Variants in MIPEP observed in about 807,000 individuals in gnomAD.
MIPEP encodes mitochondrial intermediate peptidase.
MIPEP carries 79 observed loss-of-function variants against 90.3 expected under a neutral mutation model. The ratio of observed to expected loss-of-function variants is 0.87; its 90% confidence interval spans 0.73 to 1.05. The LOEUF is 1.05. Ranked by LOEUF, MIPEP falls within the 50% of genes least tolerant of loss-of-function variation. MIPEP has a pLI of 0.00. For synonymous variants in MIPEP, 334 were observed against 315.8 expected (o/e 1.06, Z -0.61); for missense variants, 940 against 905.6 (o/e 1.04, Z -0.49).
At chr13:23,838,940 T>C (rs1426068791) in intron 12 of MIPEP, among the ~76,000 whole-genome samples, 1 of 152,280 alleles carries the variant, frequency 6.6e-6, no homozygotes. Context: ...CTCACATCTG[T>C]TAAAATCTGT....
intron 14 of MIPEP, among the ~76,000 whole-genome samples, chr13:23,810,253 T>G (rs111882844): frequency 2.4e-4 from 37 of 152,318 alleles, no homozygotes; most frequent in African/African-American, 8.7e-4. Flanking sequence ...TATTAGTGAG[T>G]GCCTGTTCAA....
intron 14 of MIPEP, among the ~76,000 whole-genome samples, chr13:23,812,522 C>A (rs1953186789): frequency 1.3e-5 from 2 of 151,962 alleles, no homozygotes; most frequent in Admixed American, 1.3e-4. Flanking sequence ...CTGAACAGAC[C>A]CCCTGTTGGC....
chr13:23,842,297 G>C (rs1869331164), intron 10 of MIPEP: 1 of 151,620 alleles, frequency 6.6e-6, no homozygotes, highest in Non-Finnish European at 1.5e-5. Context: ...TTCTAGAACT[G>C]CACAACACTT....
chr13:23,772,317 TAA>T (rs1401438689), intron 16 of MIPEP, among the ~76,000 whole-genome samples: 3 of 151,570 alleles, frequency 2.0e-5, no homozygotes, highest in Non-Finnish European at 2.9e-5. Flanking sequence ...AATTTTTTTT[TAA>T]CAACAACAAC....
chr13:23,839,630 T>A lies in MIPEP; in HGVS notation c.1338+19A>T. Reference sequence around the variant, plus strand: ...TGCCGATCGGTTCTAGAGAGACCAGTTTATAAAGAAAGGATCACCTGATGT... The same window carrying A: ...TGCCGATCGGTTCTAGAGAGACCAGATTATAAAGAAAGGATCACCTGATGT... On this transcript the variant is annotated intron_variant, in intron 12 of 18. Coordinates refer to ENST00000382172, the MANE Select transcript of MIPEP (RefSeq NM_005932.4). 1.3e-6 allele frequency: 2 copies of A among 1,589,496 alleles called. No individual in the cohort carries two copies. Among genetic ancestry groups the A allele is most frequent in the Non-Finnish European group, 1.7e-6 (2 of 1,161,888 alleles).
intron 7 of MIPEP, among the ~76,000 whole-genome samples, chr13:23,868,432 T>C (rs1870638733): frequency 6.6e-6 from 1 of 152,116 alleles, no homozygotes; most frequent in Non-Finnish European, 1.5e-5. Flanking sequence ...AGGAACATGC[T>C]AGGGTGAGAA....
At chr13:23,754,943 T>G (rs538624544) in intron 18 of MIPEP, among the ~76,000 whole-genome samples, 69 of 152,380 alleles carry the variant, frequency 4.5e-4, no homozygotes, top group African/African-American at 1.6e-3. Context: ...GAGCTTGGTC[T>G]GCTTGCTGCC....
rs144299277 is a variant in MIPEP, at chr13:23,804,903, C to T, written c.1848+1047G>A. On this transcript the variant is annotated intron_variant, in intron 16 of 18. Coordinates refer to ENST00000382172, the MANE Select transcript of MIPEP (RefSeq NM_005932.4). ...GTTAGCTCTCCTTCTGTTAGACCAA[C>T]TAGGCTAGAAGGACATCGACCTGAA... Among the ~76,000 whole-genome samples the T allele has an allele frequency of 5.3e-3, 808 of 152,292 alleles. 5 individuals carry two copies. Among genetic ancestry groups the T allele is most frequent in the Middle Eastern group, 0.017 (5 of 294 alleles).
intron 14 of MIPEP, among the ~76,000 whole-genome samples, chr13:23,810,597 T>C (rs1593167707): frequency 6.6e-6 from 1 of 152,228 alleles, no homozygotes; most frequent in Admixed American, 6.5e-5. Flanking sequence ...TTTAAAATCA[T>C]TAATACTGAT....
chr13:23,803,018 A>G (rs1011362), intron 16 of MIPEP, among the ~76,000 whole-genome samples: 94,582 of 151,986 alleles, frequency 0.62, 30,093 homozygotes, highest in African/African-American at 0.76. Context: ...TGACCGCATC[A>G]TAAGTTGAGA....
intron 16 of MIPEP, among the ~76,000 whole-genome samples, chr13:23,784,592 T>A (rs890352510): frequency 1.3e-4 from 20 of 152,140 alleles, no homozygotes; most frequent in African/African-American, 4.8e-4. Flanking sequence ...GGACTTCATG[T>A]CTAAAACACC....
intron 16 of MIPEP, among the ~76,000 whole-genome samples, chr13:23,791,818 T>C (rs1952900418): frequency 6.6e-6 from 1 of 152,128 alleles, no homozygotes; most frequent in Non-Finnish European, 1.5e-5. Context: ...TGCCTCCAAT[T>C]CTTCTCTCTC....
intron 16 of MIPEP, among the ~76,000 whole-genome samples, chr13:23,772,976 A>C (rs148297385): frequency 2.6e-4 from 40 of 152,326 alleles, no homozygotes; most frequent in African/African-American, 9.4e-4. Context: ...ACTTTAAAAA[A>C]CTGAGATAAA....
intron 16 of MIPEP, among the ~76,000 whole-genome samples, chr13:23,762,376 T>C (rs1178165284): frequency 1.3e-5 from 2 of 152,192 alleles, no homozygotes. Flanking sequence ...CTGTATTCAC[T>C]ACACAGTGGC....
At chr13:23,821,142 T>C (rs568147851) in intron 14 of MIPEP, among the ~76,000 whole-genome samples, 8 of 152,350 alleles carry the variant, frequency 5.3e-5, no homozygotes, top group Non-Finnish European at 4.4e-5. Context: ...TGAAATACAA[T>C]AGTAAATCTA....
In MIPEP at chr13:23,751,533, G is replaced by A. The variant is rs115094050; in HGVS notation, c.2044+5012C>T. ...TATTTAGTATCTCTACTTGCATACT[G>A]CTTTTGGCCAGAGAGATTCTGATTA... is the stretch of plus-strand genomic sequence containing the variant. On this transcript the variant is annotated intron_variant, in intron 18 of 18. Transcript: ENST00000382172. Among the ~76,000 whole-genome samples the A allele has an allele frequency of 2.4e-3, 369 of 152,322 alleles. 2 individuals are homozygous for A. Among genetic ancestry groups the A allele is most frequent in the African/African-American group, 8.2e-3 (342 of 41,580 alleles).
chr13:23,810,271 CTT>C (rs1464726042), intron 14 of MIPEP, among the ~76,000 whole-genome samples: 1 of 152,172 alleles, frequency 6.6e-6, no homozygotes, highest in Non-Finnish European at 1.5e-5. Flanking sequence ...CAAATACTCT[CTT>C]GACTTTTAAG....
intron 16 of MIPEP, among the ~76,000 whole-genome samples, chr13:23,774,843 G>A (rs1445479210): frequency 8.8e-5 from 11 of 125,352 alleles, no homozygotes. Flanking sequence ...TGCCCAGGCT[G>A]AAGTGCAATG....
chr13:23,877,103 G>A (rs114992811), intron 4 of MIPEP, among the ~76,000 whole-genome samples: 19 of 152,078 alleles, frequency 1.2e-4, no homozygotes, highest in Admixed American at 4.6e-4. Flanking sequence ...CTACTATCTG[G>A]TATAAGTCCC....
Sources: gnomAD v4.1 joint callset for allele counts (sites outside exome capture counted in the v4.1 genomes callset) on GRCh38, gnomAD v4.1.1 for gene constraint, MANE v1.5 for transcripts, NCBI Gene and HGNC (gene_info 2026-07-23, HGNC 2026-07-21) for gene names.